MIA2: variants seen among roughly 807,000 people sequenced by gnomAD.
MIA2 encodes the protein MIA SH3 domain ER export factor 2.
In MIA2, 127 loss-of-function variants were observed where a neutral mutation model predicts 167.8. That is an observed-to-expected ratio of 0.76 (90% CI 0.66 to 0.88). The LOEUF is 0.88. Ranked by LOEUF, MIA2 falls within the 40% of genes least tolerant of loss-of-function variation. The pLI is 0.00. For missense variants in MIA2, 1,690 were observed against 1,624.7 expected (o/e 1.04, Z -0.69); for synonymous variants, 552 against 541.9 (o/e 1.02, Z -0.26).
At chr14:39,366,987 C>T (rs1472726344) in intron 23 of MIA2, among the ~76,000 whole-genome samples, 1 of 152,148 alleles carries the variant, frequency 6.6e-6, no homozygotes, top group African/African-American at 2.4e-5. Context: ...CTGCCAGTGG[C>T]GCACGCTTGG....
At chr14:39,359,358 G>T (rs1167587490) in intron 23 of MIA2, among the ~76,000 whole-genome samples, 1 of 152,202 alleles carries the variant, frequency 6.6e-6, no homozygotes, top group African/African-American at 2.4e-5. Flanking sequence ...AGCCAGGCGT[G>T]GGATATAATC....
rs1267502861 is a variant in MIA2 at position 39,281,734 on chromosome 14, G to T, written c.2130+2197G>T. Among the ~76,000 whole-genome samples, 3 of 150,780 alleles carry T rather than the reference G, an allele frequency of 2.0e-5. No individual in the cohort carries two copies. The East Asian group carries it at 5.8e-4, about 29-fold the overall frequency. ...CCTCCCAGGTTCAAGTGATTCTCCT[G>T]CCTCAGCCTCCCAAGTAGCTGGGAC... On this transcript the variant is annotated intron_variant, in intron 9 of 28. Transcript: ENST00000640607.
intron 16 of MIA2, among the ~76,000 whole-genome samples, chr14:39,303,766 C>G (rs2062888883): frequency 6.6e-6 from 1 of 151,948 alleles, no homozygotes; most frequent in African/African-American, 2.4e-5. Context: ...TCGGATAAGA[C>G]TATATTTAAA....
chr14:39,266,892 G>A (rs12588387), intron 6 of MIA2: 3 of 697,926 alleles, frequency 4.3e-6, no homozygotes, highest in Non-Finnish European at 5.3e-6. Context: ...CGCCGCCGCC[G>A]CCACCGCGGC....
chr14:39,247,674 C>T lies in MIA2; in HGVS notation c.1100C>T (p.Thr367Ile). ...EILTEKKDTITNDSLSLKPSW... is the reference protein window; with the variant it reads ...EILTEKKDTIINDSLSLKPSW... ...TTAACAGAAAAAAAAGACACAATCA[C>T]TAATGATAGCTTGAGTCTCAAGCCA... Residue 367 changes from threonine to isoleucine, a missense_variant, in exon 4 of 29, where the codon ACT (threonine) becomes ATT (isoleucine). By Grantham distance (89) the Thr-to-Ile change is moderately conservative (BLOSUM62 -1). Coordinates refer to ENST00000640607, the MANE Select transcript of MIA2 (RefSeq NM_001329214.4). The T allele has an allele frequency of 1.2e-6, 2 of 1,611,770 alleles. No individual in the cohort carries two copies. Among genetic ancestry groups the T allele is most frequent in the Non-Finnish European group, 1.7e-6 (2 of 1,179,398 alleles).
chr14:39,346,113 C>A, intron 26 of MIA2, 87 bp downstream of exon 26: 3 of 1,146,744 alleles, frequency 2.6e-6, no homozygotes, highest in Non-Finnish European at 3.9e-6. Context: ...AATATAATTG[C>A]TATCTCTAGT....
intron 23 of MIA2, among the ~76,000 whole-genome samples, chr14:39,385,082 A>G (rs1415589100): frequency 6.6e-6 from 1 of 152,230 alleles, no homozygotes; most frequent in Non-Finnish European, 1.5e-5. Context: ...TTGGTATTAT[A>G]AACTCCTACT....
chr14:39,360,444 A>G (rs1595940245), intron 23 of MIA2, among the ~76,000 whole-genome samples: 1 of 150,020 alleles, frequency 6.7e-6, no homozygotes, highest in Admixed American at 6.6e-5. Flanking sequence ...TCCTTTGCCC[A>G]TGTTTTAATG....
chr14:39,365,227 G>T (rs1208496766), intron 23 of MIA2, among the ~76,000 whole-genome samples: 1 of 151,990 alleles, frequency 6.6e-6, no homozygotes. Flanking sequence ...CACCAAGCCT[G>T]GCTAATTTTT....
At chr14:39,382,300 C>T (rs980695943) in intron 23 of MIA2, among the ~76,000 whole-genome samples, 1 of 152,194 alleles carries the variant, frequency 6.6e-6, no homozygotes, top group Non-Finnish European at 1.5e-5. Flanking sequence ...AAAGACAGCC[C>T]AAGCTGGTAC....
intron 24 of MIA2, among the ~76,000 whole-genome samples, chr14:39,325,561 G>A (rs1489048257): frequency 2.0e-5 from 3 of 150,144 alleles, no homozygotes; most frequent in Admixed American, 6.6e-5. Flanking sequence ...TAGAGATGGG[G>A]TTTCACCTTG....
At chr14:39,270,947 G>T (rs376754390) in intron 6 of MIA2, among the ~76,000 whole-genome samples, 1 of 152,116 alleles carries the variant, frequency 6.6e-6, no homozygotes, top group South Asian at 2.1e-4. Context: ...CCTTTGAAGC[G>T]TAAGCGTTCT....
chr14:39,263,086 C>G (rs2055206096), intron 6 of MIA2, among the ~76,000 whole-genome samples: 2 of 152,160 alleles, frequency 1.3e-5, no homozygotes, highest in African/African-American at 2.4e-5. Flanking sequence ...GCATCCCTGT[C>G]TTGTGCCAGT....
chr14:39,259,154 C>G (rs2054956251), intron 6 of MIA2, among the ~76,000 whole-genome samples: 1 of 152,234 alleles, frequency 6.6e-6, no homozygotes, highest in Non-Finnish European at 1.5e-5. Flanking sequence ...CTCTTTAGAG[C>G]CGGCAGGCAG....
chr14:39,384,377 A>T (rs1173037164), intron 23 of MIA2, among the ~76,000 whole-genome samples: 1 of 152,158 alleles, frequency 6.6e-6, no homozygotes. Flanking sequence ...CTCATTGACA[A>T]TGCACCTGGT....
At chr14:39,326,039 A>G (rs6571921) in intron 24 of MIA2, among the ~76,000 whole-genome samples, 71,551 of 152,178 alleles carry the variant, frequency 0.47, 17,068 homozygotes, top group East Asian at 0.66. Flanking sequence ...TAATTAAGGT[A>G]CTATCTTTTC....
chr14:39,267,924 G>C (rs959151321), intron 6 of MIA2, among the ~76,000 whole-genome samples: 7 of 151,304 alleles, frequency 4.6e-5, no homozygotes, highest in African/African-American at 1.7e-4. Context: ...GTAACTTCTC[G>C]TTGAACCTTG....
intron 1 of MIA2, among the ~76,000 whole-genome samples, chr14:39,235,328 A>ATT (rs551366565): frequency 1.5e-3 from 228 of 152,256 alleles, no homozygotes; most frequent in Admixed American, 6.4e-3. Context: ...AGCTGTGAGA[A>ATT]TTACTTCTAA....
chr14:39,295,744 G>C (rs1318960381), intron 13 of MIA2, among the ~76,000 whole-genome samples: 1 of 151,948 alleles, frequency 6.6e-6, no homozygotes, highest in Non-Finnish European at 1.5e-5. Context: ...ATTTTTAGTA[G>C]AGATAGGGTT....
Sources: allele counts gnomAD v4.1 joint callset (sites outside exome capture counted in the v4.1 genomes callset), GRCh38; gene constraint gnomAD v4.1.1; transcripts MANE v1.5; gene names NCBI Gene and HGNC (gene_info 2026-07-23, HGNC 2026-07-21).